The following CCDC85A variants were observed in gnomAD, a reference collection of about 807,000 sequenced individuals.
CCDC85A encodes the protein coiled-coil domain-containing protein 85A.
Under a neutral mutation model 50.2 loss-of-function variants are expected in CCDC85A, and 38 were observed. That is an observed-to-expected ratio of 0.76 (90% CI 0.58 to 0.99). CCDC85A has a LOEUF of 0.99. Ranked by LOEUF, CCDC85A falls within the 50% of genes least tolerant of loss-of-function variation. The probability of loss-of-function intolerance (pLI) is 0.00; values close to 1 mark genes in which losing one functional copy is unlikely to be tolerated. For synonymous variants in CCDC85A, 366 were observed against 301.4 expected (o/e 1.21, Z -2.22); for missense variants, 820 against 742.0 (o/e 1.11, Z -1.22).
chr2:56,267,667 A>G (rs1164458857), intron 2 of CCDC85A, among the ~76,000 whole-genome samples: 1 of 152,184 alleles, frequency 6.6e-6, no homozygotes, highest in Non-Finnish European at 1.5e-5. Context: ...AACTGGCTAT[A>G]TTTTAAAAAG....
chr2:56,210,615 A>C (rs950676503), intron 2 of CCDC85A, among the ~76,000 whole-genome samples: 10 of 152,154 alleles, frequency 6.6e-5, no homozygotes, highest in African/African-American at 2.4e-4. Context: ...AACTTTACTC[A>C]CGTATCATAT....
At chr2:56,381,175 G>T (rs576156736) in intron 5 of CCDC85A, among the ~76,000 whole-genome samples, 3 of 152,012 alleles carry the variant, frequency 2.0e-5, no homozygotes, top group Non-Finnish European at 2.9e-5. Flanking sequence ...CATATCTGTT[G>T]TCTGTTTTCA....
At chr2:56,349,577 A>C (rs949575230) in intron 3 of CCDC85A, among the ~76,000 whole-genome samples, 2 of 152,204 alleles carry the variant, frequency 1.3e-5, no homozygotes, top group Non-Finnish European at 2.9e-5. Flanking sequence ...CATTCTTCAG[A>C]GATTTCCTCA....
chr2:56,357,309 A>C (rs1675282923), intron 3 of CCDC85A, among the ~76,000 whole-genome samples: 1 of 152,156 alleles, frequency 6.6e-6, no homozygotes, highest in Non-Finnish European at 1.5e-5. Context: ...TCAGGATCTT[A>C]ATATTAATAA....
intron 5 of CCDC85A, 125 bp downstream of exon 5, chr2:56,376,060 G>A (rs1676321972): frequency 4.0e-6 from 4 of 989,338 alleles, no homozygotes; most frequent in Non-Finnish European, 5.6e-6. Flanking sequence ...TCCTTATGGT[G>A]TAACTTTTTA....
chr2:56,333,408 C>T (rs116611004), intron 2 of CCDC85A, among the ~76,000 whole-genome samples: 4 of 152,118 alleles, frequency 2.6e-5, no homozygotes, highest in Non-Finnish European at 5.9e-5. Context: ...AAAGGAGGCC[C>T]TTTGGCTGGT....
chr2:56,198,659 C>A (rs34864579), intron 2 of CCDC85A, among the ~76,000 whole-genome samples: 170 of 152,138 alleles, frequency 1.1e-3, no homozygotes, highest in Non-Finnish European at 1.8e-3. Context: ...TATTGGAAAA[C>A]CTAGATGGCT....
At chr2:56,364,714 CA>C (rs1675702920) in intron 3 of CCDC85A, among the ~76,000 whole-genome samples, 1 of 152,192 alleles carries the variant, frequency 6.6e-6, no homozygotes, top group Non-Finnish European at 1.5e-5. Context: ...AGTTGATAGT[CA>C]TCCTGGATAA....
intron 2 of CCDC85A, among the ~76,000 whole-genome samples, chr2:56,225,050 T>G (rs2103918537): frequency 6.6e-6 from 1 of 151,494 alleles, no homozygotes; most frequent in South Asian, 2.1e-4. Flanking sequence ...TATTTATAGT[T>G]TTAGTTATTA....
intron 2 of CCDC85A, among the ~76,000 whole-genome samples, chr2:56,271,599 G>T (rs1367410682): frequency 1.3e-5 from 2 of 152,148 alleles, no homozygotes; most frequent in Non-Finnish European, 1.5e-5. Context: ...GGTCATTTTG[G>T]CTTTTTTTCT....
chr2:56,275,462 A>C (rs1045652687), intron 2 of CCDC85A, among the ~76,000 whole-genome samples: 1 of 66,706 alleles, frequency 1.5e-5, no homozygotes, highest in African/African-American at 3.2e-5. Flanking sequence ...TACACCAGCT[A>C]TTTAACATCA....
intron 3 of CCDC85A, among the ~76,000 whole-genome samples, chr2:56,354,928 TTG>T (rs1252117943): frequency 3.9e-5 from 6 of 152,172 alleles, no homozygotes; most frequent in Non-Finnish European, 7.4e-5. Flanking sequence ...ACTGAGTAGA[TTG>T]TGTTTCCTCA....
intron 2 of CCDC85A, among the ~76,000 whole-genome samples, chr2:56,309,691 A>C (rs910440817): frequency 2.0e-5 from 3 of 152,158 alleles, no homozygotes; most frequent in African/African-American, 7.2e-5. Context: ...TTTTTGAACA[A>C]ATTAAAGAAG....
In CCDC85A at chr2:56,275,756, A is replaced by T. The variant is rs1391448268; in HGVS notation, c.1241-67123A>T. Reference sequence around the variant, plus strand: ...ACTCTTGGTATTATTTATCTTCATCATGACCTTTATAACTAGATTGATCTG... The same window carrying T: ...ACTCTTGGTATTATTTATCTTCATCTTGACCTTTATAACTAGATTGATCTG... On this transcript the variant is annotated intron_variant, in intron 2 of 5. Coordinates refer to ENST00000407595, the MANE Select transcript of CCDC85A (RefSeq NM_001080433.2). Among the ~76,000 whole-genome samples, 5 of 152,202 alleles carry T rather than the reference A, an allele frequency of 3.3e-5. No individual in the cohort carries two copies. The East Asian group carries it at 7.7e-4, about 23-fold the overall frequency.
At chr2:56,351,283 G>C (rs1007155032) in intron 3 of CCDC85A, among the ~76,000 whole-genome samples, 4 of 151,904 alleles carry the variant, frequency 2.6e-5, no homozygotes, top group Non-Finnish European at 2.9e-5. Flanking sequence ...TCAAGTCTTT[G>C]CTATTGTGAA....
At chr2:56,364,411 C>A (rs1275231278) in intron 3 of CCDC85A, among the ~76,000 whole-genome samples, 1 of 152,110 alleles carries the variant, frequency 6.6e-6, no homozygotes, top group East Asian at 1.9e-4. Context: ...CTTTCTTTTC[C>A]TTCCAATAAC....
At chr2:56,344,343 C>T (rs1251589101) in intron 3 of CCDC85A, among the ~76,000 whole-genome samples, 1 of 152,184 alleles carries the variant, frequency 6.6e-6, no homozygotes, top group Non-Finnish European at 1.5e-5. Flanking sequence ...CATTAAGTGA[C>T]TAACAGGCAG....
At chr2:56,370,570 A>G (rs986004885) in intron 3 of CCDC85A, among the ~76,000 whole-genome samples, 7 of 152,074 alleles carry the variant, frequency 4.6e-5, no homozygotes, top group African/African-American at 1.7e-4. Context: ...TAAAATACAT[A>G]TTTAATATAT....
chr2:56,225,708 C>T (rs1302236218), intron 2 of CCDC85A, among the ~76,000 whole-genome samples: 2 of 152,150 alleles, frequency 1.3e-5, no homozygotes, highest in Non-Finnish European at 2.9e-5. Context: ...TGCATTGAAT[C>T]TGTAGATGAA....
Sources: gnomAD v4.1 joint callset for allele counts (sites outside exome capture counted in the v4.1 genomes callset) on GRCh38, gnomAD v4.1.1 for gene constraint, MANE v1.5 for transcripts, NCBI Gene and HGNC (gene_info 2026-07-23, HGNC 2026-07-21) for gene names.